Variants in NDUFA10 observed in about 807,000 individuals in gnomAD.
The protein encoded by NDUFA10 is NADH:ubiquinone oxidoreductase subunit A10.
Under a neutral mutation model 47.8 loss-of-function variants are expected in NDUFA10, and 40 were observed. The observed-to-expected ratio is 0.84, with a 90% CI of 0.65 to 1.09. The LOEUF is 1.09. Ranked by LOEUF, NDUFA10 falls within the 50% of genes least tolerant of loss-of-function variation. The probability of loss-of-function intolerance (pLI) is 0.00; values close to 1 mark genes in which losing one functional copy is unlikely to be tolerated. For synonymous variants in NDUFA10, 183 were observed against 172.2 expected (o/e 1.06, Z -0.49); for missense variants, 413 against 451.1 (o/e 0.92, Z 0.76).
chr2:239,906,132 C>T lies in NDUFA10; in HGVS notation c.295-10818G>A, dbSNP rs1693651094. 6.6e-6 allele frequency among the ~76,000 whole-genome samples: 1 copy of T among 152,148 alleles called. No individual in the cohort carries two copies. The highest frequency in any genetic ancestry group is 1.5e-5 in the Non-Finnish European group (1 of 68,020). On this transcript the variant is annotated intron_variant, in intron 4 of 5. Transcript: ENST00000419408. The surrounding 1 kb of genome is among the most constrained non-coding windows in gnomAD (Gnocchi z 4.3). ...GCTGAGCTCATGACCTTCGGGGGCT[C>T]TGGGCGGGCCCTGCTCTGTGCCTAG... is the stretch of plus-strand genomic sequence containing the variant.
chr2:239,907,171 T>C (rs1166526390), intron 4 of NDUFA10, among the ~76,000 whole-genome samples: 1 of 152,212 alleles, frequency 6.6e-6, no homozygotes, highest in Non-Finnish European at 1.5e-5. Flanking sequence ...GGATTCCCTA[T>C]TTAATAAATG....
At chr2:239,998,078 G>A (rs948785349) in intron 8 of NDUFA10, among the ~76,000 whole-genome samples, 1 of 152,230 alleles carries the variant, frequency 6.6e-6, no homozygotes, top group East Asian at 1.9e-4. Flanking sequence ...TTTAAAGACT[G>A]GAAGAACCTG....
At chr2:239,911,194 G>C (rs28468633) in intron 4 of NDUFA10, among the ~76,000 whole-genome samples, 7,268 of 152,238 alleles carry the variant, frequency 0.048, 558 homozygotes, top group African/African-American at 0.16. Flanking sequence ...TACTGTCCCC[G>C]CCTCCCTGGA....
chr2:239,984,519 C>G (rs547338428), intron 9 of NDUFA10, among the ~76,000 whole-genome samples: 45 of 152,296 alleles, frequency 3.0e-4, no homozygotes, highest in African/African-American at 1.1e-3. Context: ...AGCCCAATAT[C>G]ATATATTCTC....
At position 239,958,210 on chromosome 2, in the gene NDUFA10, C is replaced by G. The variant is rs1223859346; in HGVS notation, c.*2908G>C. ...CAGCTTTCCCTCCACCCCTATTTTG[C>G]CAAACCCCCAAATCTTGCAGATTTA... is the stretch of plus-strand genomic sequence containing the variant. On this transcript the variant is annotated 3_prime_UTR_variant, in exon 10 of 10. Transcript: ENST00000252711. 1 of 152,180 alleles carries G rather than the reference C, an allele frequency of 6.6e-6. No individual in the cohort carries two copies. Among genetic ancestry groups the G allele is most frequent in the Non-Finnish European group, 1.5e-5 (1 of 68,036 alleles). The allele number at this position is 152,180 out of a possible 1,614,324, so 9.4% of individuals were successfully genotyped here. A position where few individuals can be genotyped will look rare whatever the true frequency, so the allele number is the denominator to read the frequency against.
In NDUFA10 at chr2:240,021,312, C is replaced by T. The variant is rs770553301; in HGVS notation, c.345G>A (p.Glu115=). Residue 115 remains glutamate (E), a synonymous_variant, in exon 3 of 10, where the codon GAG becomes GAA. Transcript: ENST00000252711. ...TGCTTCTCGGATCATCGTAAAATTT[C>T]TCCAAACTACAGTTGCCATTATAGT... ...ATDYNGNCSL[E]KFYDDPRSND... The T allele has an allele frequency of 1.2e-6, 2 of 1,614,234 alleles. No individual in the cohort carries two copies. Among genetic ancestry groups the T allele is most frequent in the Admixed American group, 3.3e-5 (2 of 60,030 alleles).
chr2:239,952,616 G>GAGGCCTCCCTCCCCA (rs1032601424), downstream of NDUFA10, among the ~76,000 whole-genome samples: 1 of 141,354 alleles, frequency 7.1e-6, no homozygotes, highest in African/African-American at 3.2e-5. Flanking sequence ...CTTCCTCCCA[G>GAGGCCTCCCTCCCCA]AGGCCTCCCT....
intron 4 of NDUFA10, among the ~76,000 whole-genome samples, chr2:239,919,257 C>T (rs1693927713): frequency 6.6e-6 from 1 of 152,182 alleles, no homozygotes; most frequent in Non-Finnish European, 1.5e-5. Flanking sequence ...GGGCTGTTTT[C>T]TCTTGATGGT....
At chr2:239,934,172 C>G (rs985850113) in intron 4 of NDUFA10, among the ~76,000 whole-genome samples, 1 of 152,188 alleles carries the variant, frequency 6.6e-6, no homozygotes, top group Non-Finnish European at 1.5e-5. Context: ...AGCCACCATG[C>G]CTGGCCAGAT....
intron 8 of NDUFA10, among the ~76,000 whole-genome samples, chr2:240,001,345 TATA>T (rs1227167229): frequency 1.3e-5 from 2 of 152,140 alleles, no homozygotes; most frequent in African/African-American, 4.8e-5. Context: ...ACAATCAGAG[TATA>T]ATAATATACC....
At chr2:239,911,940 A>G (rs1693762645) in intron 4 of NDUFA10, among the ~76,000 whole-genome samples, 1 of 152,152 alleles carries the variant, frequency 6.6e-6, no homozygotes, top group South Asian at 2.1e-4. Context: ...AATCTGGAAC[A>G]GCCCTGGGGG....
chr2:239,960,901 A>T lies in NDUFA10; in HGVS notation c.*217T>A, dbSNP rs1254871040. 1 of 1,446,666 alleles carries T rather than the reference A, an allele frequency of 6.9e-7. No individual in the cohort carries two copies. The highest frequency in any genetic ancestry group is 9.1e-7 in the Non-Finnish European group (1 of 1,096,274). The allele number at this position is 1,446,666 out of a possible 1,614,324, so 89.6% of individuals were successfully genotyped here. On this transcript the variant is annotated 3_prime_UTR_variant, in exon 10 of 10. Coordinates refer to ENST00000252711, the MANE Select transcript of NDUFA10 (RefSeq NM_004544.4). ...AGAATGGTGGGCCATTCCAAAACAA[A>T]GCTAAAGGGTTCCAAACATCCAGAA...
intron 4 of NDUFA10, among the ~76,000 whole-genome samples, chr2:239,943,336 TTTC>T (rs1041996625): frequency 6.9e-6 from 1 of 145,314 alleles, no homozygotes; most frequent in African/African-American, 2.9e-5. Flanking sequence ...CTAATTTTTC[TTTC>T]TTTTTTTTTG....
chr2:239,956,409 A>G (rs1487199228), downstream of NDUFA10, among the ~76,000 whole-genome samples: 2 of 152,140 alleles, frequency 1.3e-5, no homozygotes, highest in African/African-American at 4.8e-5. Flanking sequence ...GTGGGGCCTG[A>G]GCACGTGGGG....
In NDUFA10 at chr2:239,898,961, C is replaced by G. The variant is rs1200220767; in HGVS notation, c.295-3647G>C. Reference sequence around the variant, plus strand: ...GACGGAGGGGTGTGGAGGGGTGTGGCAGGGTGTGATGAAGAGGTATGATGG... The same window carrying G: ...GACGGAGGGGTGTGGAGGGGTGTGGGAGGGTGTGATGAAGAGGTATGATGG... On this transcript the variant is annotated intron_variant, in intron 4 of 5. Transcript: ENST00000419408. Among the ~76,000 whole-genome samples the G allele has an allele frequency of 1.7e-4, 12 of 72,490 alleles. No homozygotes were observed. In the East Asian group the frequency reaches 4.5e-3, roughly 27 times the overall value. The allele number at this position is 72,490 out of a possible 152,430, so 47.6% of individuals were successfully genotyped here.
chr2:239,964,172 CAT>C (rs1433334529), intron 9 of NDUFA10, among the ~76,000 whole-genome samples: 1 of 152,144 alleles, frequency 6.6e-6, no homozygotes, highest in East Asian at 1.9e-4. Context: ...CCTGTGAACA[CAT>C]GAGCTCACCT....
intron 9 of NDUFA10, among the ~76,000 whole-genome samples, chr2:239,968,469 G>C (rs1182830962): frequency 2.0e-5 from 3 of 152,232 alleles, no homozygotes; most frequent in Admixed American, 1.3e-4. Flanking sequence ...CTAAGTGAGA[G>C]GCACCAGGCC....
rs1002003051 is a variant in NDUFA10 at position 240,016,230 on chromosome 2, G to A, written c.548-1370C>T. The stretch of plus-strand genomic sequence containing the variant: ...GGACGGAGGCTGCCAGTGGAGTACC[G>A]TTCACCTGAGCATACAAACACAAAC... On this transcript the variant is annotated intron_variant, in intron 4 of 9. Transcript: ENST00000252711. The surrounding 1 kb of genome is among the most constrained non-coding windows in gnomAD (Gnocchi z 4.4). Among the ~76,000 whole-genome samples the A allele has an allele frequency of 9.9e-5, 15 of 152,246 alleles. No individual in the cohort carries two copies. Among genetic ancestry groups the A allele is most frequent in the African/African-American group, 3.1e-4 (13 of 41,544 alleles).
intron 9 of NDUFA10, among the ~76,000 whole-genome samples, chr2:239,961,750 G>C (rs974822673): frequency 5.3e-5 from 8 of 152,228 alleles, no homozygotes; most frequent in Admixed American, 4.6e-4. Flanking sequence ...AGCAAAGGAG[G>C]GGGAAGCACT....
Sources: gnomAD v4.1 joint callset for allele counts (sites outside exome capture counted in the v4.1 genomes callset) on GRCh38, gnomAD v4.1.1 for gene constraint, Gnocchi (gnomAD v3.1) non-coding constraint, MANE v1.5 for transcripts, NCBI Gene and HGNC (gene_info 2026-07-23, HGNC 2026-07-21) for gene names.